Variants in TIMP2 observed in about 807,000 individuals in gnomAD.
The protein encoded by TIMP2 is metalloproteinase inhibitor 2.
TIMP2 carries 5 observed loss-of-function variants against 24.3 expected under a neutral mutation model. That is an observed-to-expected ratio of 0.21 (90% CI 0.11 to 0.43). TIMP2 has a LOEUF of 0.43. Ranked by LOEUF, TIMP2 falls within the 20% of genes least tolerant of loss-of-function variation. The pLI is 1.00. For synonymous variants in TIMP2, 130 were observed against 123.2 expected (o/e 1.06, Z -0.37); for missense variants, 221 against 297.5 (o/e 0.74, Z 1.89).
chr17:78,861,934 AG>A (rs1450456852), intron 3 of TIMP2, among the ~76,000 whole-genome samples: 1 of 152,174 alleles, frequency 6.6e-6, no homozygotes, highest in African/African-American at 2.4e-5. Context: ...ATGTGAAGAG[AG>A]GACCGCCTCT....
chr17:78,906,823 T>TC (rs1377749166), intron 1 of TIMP2, among the ~76,000 whole-genome samples: 3 of 152,050 alleles, frequency 2.0e-5, no homozygotes, highest in Non-Finnish European at 4.4e-5. Flanking sequence ...CCTCAGGTGA[T>TC]CCCCCCGCCT....
chr17:78,859,673 TAAATAAA>T, intron 3 of TIMP2, among the ~76,000 whole-genome samples: 1 of 148,954 alleles, frequency 6.7e-6, no homozygotes, highest in East Asian at 2.0e-4. Context: ...AAAAAGAAAA[TAAATAAA>T]AAATAAATAA....
chr17:78,913,062 G>A (rs551528104), intron 1 of TIMP2, among the ~76,000 whole-genome samples: 5 of 152,160 alleles, frequency 3.3e-5, no homozygotes, highest in South Asian at 2.1e-4. Context: ...AAAATTAGCC[G>A]GGTGTGGTGG....
intron 3 of TIMP2, among the ~76,000 whole-genome samples, chr17:78,862,905 C>T (rs752303731): frequency 1.1e-4 from 16 of 152,230 alleles, no homozygotes; most frequent in South Asian, 4.1e-4. Flanking sequence ...CTCCTTTTCA[C>T]GGCTGCGTAG....
rs1485083731 is a variant in TIMP2 at position 78,857,711 on chromosome 17, C to T, written c.341-65G>A. 6.2e-6 allele frequency: 10 copies of T among 1,605,018 alleles called. No individual in the cohort carries two copies. In the Admixed American group the frequency reaches 1.7e-4, roughly 27 times the overall value. On this transcript the variant is annotated intron_variant, in intron 3 of 4. Coordinates refer to ENST00000262768, the MANE Select transcript of TIMP2 (RefSeq NM_003255.5). ...AAAGTCCTCCTCCTGCCCAGCTCCT[C>T]CACCCGGCGCAGGGGCGCTGGGATT...
chr17:78,882,591 G>A (rs879307656), intron 1 of TIMP2, among the ~76,000 whole-genome samples: 14 of 152,196 alleles, frequency 9.2e-5, no homozygotes, highest in Admixed American at 2.0e-4. Flanking sequence ...CTCTCCATTC[G>A]GGCAGCACCT....
intron 2 of TIMP2, among the ~76,000 whole-genome samples, chr17:78,871,719 G>A (rs1190588527): frequency 1.3e-5 from 2 of 151,688 alleles, no homozygotes; most frequent in Non-Finnish European, 2.9e-5. Flanking sequence ...GGTGGCGGGC[G>A]CCTGTAGTCC....
Position 78,897,131 on chromosome 17 carries a change from G to A in TIMP2, c.131-23212C>T, listed in dbSNP as rs565131757. ...CCCCGCCGGCCTCCTCACCCCCTCC[G>A]AAGGAGACTCCAGGCCTGCTGTGCA... is the stretch of plus-strand genomic sequence containing the variant. On this transcript the variant is annotated intron_variant, in intron 1 of 4. Coordinates refer to ENST00000262768, the MANE Select transcript of TIMP2 (RefSeq NM_003255.5). 5.4e-4 allele frequency: 176 copies of A among 324,290 alleles called. 1 individual carries two copies. The highest frequency in any genetic ancestry group is 3.1e-3 in the East Asian group (18 of 5,876). The allele number at this position is 324,290 out of a possible 1,614,324, so 20.1% of individuals were successfully genotyped here. A position where few individuals can be genotyped will look rare whatever the true frequency, so the allele number is the denominator to read the frequency against.
chr17:78,924,818 A>T lies in TIMP2; in HGVS notation c.130+141T>A. ...AAGTCGGCTCTGGGCGTCCACTTGC[A>T]GGATTCGAGAAGGCGCCGAGGGACC... On this transcript the variant is annotated intron_variant, in intron 1 of 4. Transcript: ENST00000262768. This position sits in a 1 kb window ranked among gnomAD's most constrained non-coding sequence, Gnocchi z 5.3. The T allele has an allele frequency of 2.7e-6, 1 of 374,156 alleles. No homozygotes were observed. Among genetic ancestry groups the T allele is most frequent in the Non-Finnish European group, 4.3e-6 (1 of 233,498 alleles). The allele number at this position is 374,156 out of a possible 1,614,324, so 23.2% of individuals were successfully genotyped here.
chr17:78,874,151 A>G (rs919311217), intron 1 of TIMP2: 2 of 496,782 alleles, frequency 4.0e-6, no homozygotes, highest in Non-Finnish European at 7.2e-6. Flanking sequence ...CTTCAACAAG[A>G]ATCCCTTCTT....
chr17:78,892,561 T>C (rs1010228148), intron 1 of TIMP2: 2 of 1,452,696 alleles, frequency 1.4e-6, no homozygotes, highest in South Asian at 1.5e-5. Flanking sequence ...GAGGACAGGC[T>C]GCAAAATGTG....
intron 1 of TIMP2, among the ~76,000 whole-genome samples, chr17:78,888,791 G>A (rs918739099): frequency 2.6e-5 from 4 of 152,176 alleles, no homozygotes; most frequent in Non-Finnish European, 4.4e-5. Context: ...GGGAGGTAGC[G>A]CACAGGTAGT....
intron 3 of TIMP2, among the ~76,000 whole-genome samples, chr17:78,861,035 C>CA (rs33915258): frequency 0.077 from 10,924 of 141,642 alleles, 590 homozygotes; most frequent in Middle Eastern, 0.18. Flanking sequence ...GACTCCGTCT[C>CA]AAAAAAAAAA....
rs2069523490 is a variant in TIMP2 at position 78,856,132 on chromosome 17, C to T, written c.466-268G>A. 1.2e-5 allele frequency: 6 copies of T among 511,718 alleles called. No individual in the cohort carries two copies. The East Asian group carries it at 2.1e-4, about 18-fold the overall frequency. The allele number at this position is 511,718 out of a possible 1,614,324, so 31.7% of individuals were successfully genotyped here. On this transcript the variant is annotated intron_variant, in intron 4 of 4. Coordinates refer to ENST00000262768, the MANE Select transcript of TIMP2 (RefSeq NM_003255.5). ...TTGGGCCATCTTCTACCTTCCTGAG[C>T]ATGACAGAATGGCCTCAGCTTGGCC...
intron 1 of TIMP2, among the ~76,000 whole-genome samples, chr17:78,910,246 G>T (rs890203942): frequency 1.3e-5 from 2 of 150,692 alleles, no homozygotes; most frequent in African/African-American, 4.9e-5. Flanking sequence ...AGGCTAGAGT[G>T]TGGTGGCGTG....
At chr17:78,882,126 G>A (rs554397460) in intron 1 of TIMP2, among the ~76,000 whole-genome samples, 43 of 152,202 alleles carry the variant, frequency 2.8e-4, no homozygotes, top group African/African-American at 9.1e-4. Flanking sequence ...CACCATGCCC[G>A]GCTGATTTTT....
Position 78,855,217 on chromosome 17 carries a change from C to T in TIMP2, c.*450G>A, listed in dbSNP as rs1169797593. Reference sequence around the variant, plus strand: ...CGTGGAAGCTGCAGAAAACAAGGGCCATGTCCCTCTCAAGATGAAAGGGAC... The same window carrying T: ...CGTGGAAGCTGCAGAAAACAAGGGCTATGTCCCTCTCAAGATGAAAGGGAC... On this transcript the variant is annotated 3_prime_UTR_variant, in exon 5 of 5. Coordinates refer to ENST00000262768, the MANE Select transcript of TIMP2 (RefSeq NM_003255.5). The surrounding 1 kb of genome is among the most constrained non-coding windows in gnomAD (Gnocchi z 6.0). The T allele has an allele frequency of 5.4e-6, 1 of 186,694 alleles. No homozygotes were observed. The highest frequency in any genetic ancestry group is 5.3e-5 in the Admixed American group (1 of 18,780). 11.6% of individuals were successfully genotyped at this position (186,694 alleles called of 1,614,324 possible).
Position 78,891,724 on chromosome 17 carries a change from C to T in TIMP2, c.131-17805G>A, listed in dbSNP as rs2069898550. 5.8e-6 allele frequency: 9 copies of T among 1,551,050 alleles called. No individual in the cohort carries two copies. The highest frequency in any genetic ancestry group is 7.0e-6 in the Non-Finnish European group (8 of 1,147,132). On this transcript the variant is annotated intron_variant, in intron 1 of 4. Coordinates refer to ENST00000262768, the MANE Select transcript of TIMP2 (RefSeq NM_003255.5). This position sits in a 1 kb window ranked among gnomAD's most constrained non-coding sequence, Gnocchi z 4.5. ...TTTCCTCCACAAGCCCGATTTCTCC[C>T]ACAGCAGCCACGAGTGGGTTTGACC...
chr17:78,904,542 G>C (rs1472879782), intron 1 of TIMP2: 1 of 152,166 alleles, frequency 6.6e-6, no homozygotes, highest in Non-Finnish European at 1.5e-5. Flanking sequence ...AGGGAAGGGA[G>C]GCATTCTCCC....
Sources: gnomAD v4.1 joint callset for allele counts (sites outside exome capture counted in the v4.1 genomes callset) on GRCh38, gnomAD v4.1.1 for gene constraint, Gnocchi (gnomAD v3.1) non-coding constraint, MANE v1.5 for transcripts, NCBI Gene and HGNC (gene_info 2026-07-23, HGNC 2026-07-21) for gene names.